ST3GAL2: variants seen among roughly 807,000 people sequenced by gnomAD.
The protein encoded by ST3GAL2 is CMP-N-acetylneuraminate-beta-galactosamide-alpha-2,3-sialyltransferase 2.
In ST3GAL2, 16 loss-of-function variants were observed where a neutral mutation model predicts 37.5. The ratio of observed to expected loss-of-function variants is 0.43; its 90% CI spans 0.29 to 0.65. The LOEUF is 0.65. Ranked by LOEUF, ST3GAL2 falls within the 30% of genes least tolerant of loss-of-function variation. The pLI, the probability that ST3GAL2 is intolerant of heterozygous loss-of-function variation, is 0.17. For missense variants in ST3GAL2, 383 were observed against 487.8 expected, an observed-to-expected ratio of 0.79 and a Z score of 2.02; for synonymous variants, 238 against 202.9, an observed-to-expected ratio of 1.17 and a Z score of -1.47.
At chr16:70,395,285 CCTCTTTATCCAGGG>C in intron 2 of ST3GAL2, 110 bp from the exon 3 acceptor site, 1 of 1,013,652 alleles carries the variant, frequency 9.9e-7, no homozygotes, top group Non-Finnish European at 1.4e-6. Flanking sequence ...TGGGCACAGG[CCTCTTTATCCAGGG>C]CTCTGCCAGG....
intron 1 of ST3GAL2, among the ~76,000 whole-genome samples, chr16:70,431,068 C>T (rs2047786525): frequency 7.0e-6 from 1 of 143,486 alleles, no homozygotes; most frequent in South Asian, 2.2e-4. Flanking sequence ...AAAAGGAAGC[C>T]TGCAAAGAAG....
rs372357644 is a variant in ST3GAL2 at position 70,428,370 on chromosome 16, T to C, written c.-1004+10579A>G. The stretch of plus-strand genomic sequence containing the variant: ...GGGGCCAGCTAAGAGAAGGCAGCTA[T>C]CTGGGATTACAAAACTCAAGGAGTC... On this transcript the variant is annotated intron_variant, in intron 1 of 6. Coordinates refer to ENST00000342907, the MANE Select transcript of ST3GAL2 (RefSeq NM_006927.4). Among the ~76,000 whole-genome samples, 31 of 152,354 alleles carry C rather than the reference T, an allele frequency of 2.0e-4. 1 individual carries two copies. The highest frequency in any genetic ancestry group is 5.5e-4 in the African/African-American group (23 of 41,586).
chr16:70,390,082 G>A (rs1597557823), intron 3 of ST3GAL2, among the ~76,000 whole-genome samples: 1 of 151,804 alleles, frequency 6.6e-6, no homozygotes, highest in South Asian at 2.1e-4. Context: ...CACCACGCTC[G>A]GCCCTGTTTG....
chr16:70,389,075 CAAAAAAAAA>C (rs77375368), intron 3 of ST3GAL2, among the ~76,000 whole-genome samples: 1 of 53,304 alleles, frequency 1.9e-5, no homozygotes, highest in African/African-American at 6.7e-5. Flanking sequence ...CTCTTGTCTC[CAAAAAAAAA>C]AAAAAAAAAG....
At chr16:70,435,981 C>T (rs1303232336) in intron 1 of ST3GAL2, among the ~76,000 whole-genome samples, 1 of 150,108 alleles carries the variant, frequency 6.7e-6, no homozygotes, top group African/African-American at 2.5e-5. Flanking sequence ...CAAAAATCAG[C>T]CGGGCATGGT....
At chr16:70,438,825 T>C (rs1270542707) in intron 1 of ST3GAL2, 124 bp downstream of exon 1, 1 of 151,902 alleles carries the variant, frequency 6.6e-6, no homozygotes, top group Non-Finnish European at 1.5e-5. Context: ...CCGGGGGAAG[T>C]TGCCGGGCTG....
Position 70,410,045 on chromosome 16 carries a change from A to G in ST3GAL2, c.-1003-10512T>C, listed in dbSNP as rs76867853. On this transcript the variant is annotated intron_variant, in intron 1 of 6. Transcript: ENST00000342907. ...GCCTCCCAAAGAGCTGAGATTGCAG[A>G]TATGAGCCACCTTGCTCAGTCCTCA... Among the ~76,000 whole-genome samples the G allele has an allele frequency of 5.7e-3, 865 of 151,526 alleles. 10 individuals carry two copies. Among genetic ancestry groups the G allele is most frequent in the African/African-American group, 0.018 (757 of 41,262 alleles).
chr16:70,394,060 G>C (rs1192326673), intron 3 of ST3GAL2, among the ~76,000 whole-genome samples: 1 of 152,210 alleles, frequency 6.6e-6, no homozygotes, highest in Admixed American at 6.5e-5. Context: ...CTCTGGAGCA[G>C]AGCAAGCAGC....
At chr16:70,427,461 C>G (rs1304345623) in intron 1 of ST3GAL2, among the ~76,000 whole-genome samples, 1 of 151,936 alleles carries the variant, frequency 6.6e-6, no homozygotes, top group African/African-American at 2.4e-5. Context: ...GCCTCAGCCT[C>G]CCAAGTAGCT....
chr16:70,394,235 C>T (rs1178643281), intron 3 of ST3GAL2, among the ~76,000 whole-genome samples: 3 of 152,212 alleles, frequency 2.0e-5, no homozygotes, highest in East Asian at 3.9e-4. Context: ...CCGAACAGCT[C>T]CTTTCAGCAC....
At chr16:70,414,784 T>G (rs536134161) in intron 1 of ST3GAL2, among the ~76,000 whole-genome samples, 1 of 152,318 alleles carries the variant, frequency 6.6e-6, no homozygotes, top group African/African-American at 2.4e-5. Flanking sequence ...GTGATACTCC[T>G]GACTCAGCCT....
At chr16:70,415,405 A>G (rs2047669518) in intron 1 of ST3GAL2, among the ~76,000 whole-genome samples, 1 of 152,242 alleles carries the variant, frequency 6.6e-6, no homozygotes, top group Admixed American at 6.5e-5. Flanking sequence ...GTCACAAGAA[A>G]CGGATAAACC....
chr16:70,384,550 C>CA (rs2047428910), intron 4 of ST3GAL2, among the ~76,000 whole-genome samples: 3 of 151,780 alleles, frequency 2.0e-5, no homozygotes, highest in Admixed American at 6.6e-5. Flanking sequence ...ACTAAAAATA[C>CA]AAAAATTAGC....
intron 2 of ST3GAL2, among the ~76,000 whole-genome samples, chr16:70,396,063 C>T (rs1597560919): frequency 6.6e-6 from 1 of 151,684 alleles, no homozygotes; most frequent in African/African-American, 2.4e-5. Context: ...CCTCCGCCTC[C>T]CGGGTTCAAG....
chr16:70,393,235 G>A (rs1464922978), intron 3 of ST3GAL2, among the ~76,000 whole-genome samples: 5 of 151,968 alleles, frequency 3.3e-5, no homozygotes, highest in South Asian at 2.1e-4. Context: ...CCACCACCAC[G>A]CCCAGCTAAT....
chr16:70,412,279 T>C (rs1314781555), intron 1 of ST3GAL2, among the ~76,000 whole-genome samples: 1 of 152,246 alleles, frequency 6.6e-6, no homozygotes, highest in African/African-American at 2.4e-5. Flanking sequence ...TGGCATCCAA[T>C]GTTGATAAGA....
chr16:70,411,485 G>A (rs1479052998), intron 1 of ST3GAL2, among the ~76,000 whole-genome samples: 1 of 151,944 alleles, frequency 6.6e-6, no homozygotes, highest in Non-Finnish European at 1.5e-5. Context: ...ATGATATAAT[G>A]TCTGGAGCTA....
rs1445425071 is a variant in ST3GAL2 at position 70,398,382 on chromosome 16, A to G, written c.149T>C (p.Leu50Pro). The G allele has an allele frequency of 5.0e-6, 8 of 1,613,450 alleles. No homozygotes were observed. Among genetic ancestry groups the G allele is most frequent in the African/African-American group, 2.7e-5 (2 of 74,958 alleles). ...GALDGTHRVK[L>P]VPGYAGLQRL... ...CTGCAGGCCGGCATAGCCGGGCACC[A>G]GCTTCACCCGGTGCGTCCCATCCAG... The change falls in exon 2 of 7, where the codon CTG (leucine) becomes CCG (proline). Residue 50 changes from leucine to proline, a missense_variant. Physicochemically the swap from Leu to Pro is moderately conservative, Grantham distance 98 (BLOSUM62 -3). Transcript: ENST00000342907.
At chr16:70,431,527 A>C (rs771207331) in intron 1 of ST3GAL2, among the ~76,000 whole-genome samples, 3 of 152,208 alleles carry the variant, frequency 2.0e-5, no homozygotes, top group Admixed American at 6.5e-5. Context: ...GGTTGTTTTC[A>C]ACATCTGATA....
Sources: allele counts gnomAD v4.1 joint callset (sites outside exome capture counted in the v4.1 genomes callset), GRCh38; gene constraint gnomAD v4.1.1; transcripts MANE v1.5; gene names NCBI Gene and HGNC (gene_info 2026-07-23, HGNC 2026-07-21).